TCAIM: variants seen among roughly 807,000 people sequenced by gnomAD.
TCAIM encodes the protein T cell activation inhibitor, mitochondrial, also known as T-cell activation inhibitor, mitochondrial.
In TCAIM, 36 loss-of-function variants were observed where a neutral mutation model predicts 58.6. The ratio of observed to expected loss-of-function variants is 0.61; its 90% CI spans 0.47 to 0.81. The LOEUF (loss-of-function observed/expected upper bound fraction) is 0.81. Among genes scored for constraint, TCAIM ranks in the 30% least tolerant of loss-of-function variants. The probability of loss-of-function intolerance (pLI) is 0.00; values close to 1 mark genes in which losing one functional copy is unlikely to be tolerated. For missense variants in TCAIM, 466 were observed against 579.6 expected, an observed-to-expected ratio of 0.80 and a Z score of 2.01; for synonymous variants, 172 against 193.6, an observed-to-expected ratio of 0.89 and a Z score of 0.93.
chr3:44,384,348 C>G (rs1701700833), intron 5 of TCAIM, among the ~76,000 whole-genome samples: 1 of 152,146 alleles, frequency 6.6e-6, no homozygotes, highest in South Asian at 2.1e-4. Context: ...GGAAGGTATT[C>G]TTTTCTCTTT....
At chr3:44,398,900 G>T (rs1181364647) in intron 8 of TCAIM, among the ~76,000 whole-genome samples, 1 of 152,162 alleles carries the variant, frequency 6.6e-6, no homozygotes, top group Non-Finnish European at 1.5e-5. Context: ...GCATTGTGCT[G>T]AGTGAAAAAG....
At chr3:44,344,853 G>A (rs769291686) in intron 1 of TCAIM, among the ~76,000 whole-genome samples, 3 of 152,062 alleles carry the variant, frequency 2.0e-5, no homozygotes, top group African/African-American at 4.8e-5. Context: ...GGGCAGGGGC[G>A]GGGGTCACAA....
At chr3:44,403,293 G>A (rs1702050606) in intron 10 of TCAIM, among the ~76,000 whole-genome samples, 2 of 151,884 alleles carry the variant, frequency 1.3e-5, no homozygotes, top group Admixed American at 1.3e-4. Context: ...ATAGAGAGAA[G>A]GGATGGCAAC....
chr3:44,361,421 A>G lies in TCAIM; in HGVS notation c.222A>G (p.Lys74=), dbSNP rs900243852. Residue 74 remains lysine (K), a synonymous_variant, in exon 4 of 11, where the codon AAA becomes AAG. Coordinates refer to ENST00000342649, the MANE Select transcript of TCAIM (RefSeq NM_173826.4). ...RLSVYLENLQ[K]PGFKSLKPTQ... ...GTGTCTACCTAGAAAACCTCCAGAA[A>G]CCAGGCTTCAAGTCTTTGAAACCAA... 5.6e-6 allele frequency: 9 copies of G among 1,613,124 alleles called. No individual in the cohort carries two copies. In the African/African-American group the frequency reaches 9.3e-5, roughly 17 times the overall value.
At position 44,344,068 on chromosome 3, in the gene TCAIM, T is replaced by C. The variant is rs955096893; in HGVS notation, c.-45+5234T>C. On this transcript the variant is annotated intron_variant, in intron 1 of 10. Transcript: ENST00000342649. ...AGAGAGTCTCACTCCATCACCCCGG[T>C]TGGAGTGCAGTGGTGCAATCTCAGC... Among the ~76,000 whole-genome samples the C allele has an allele frequency of 6.1e-4, 90 of 148,732 alleles. 1 individual carries two copies. Among genetic ancestry groups the C allele is most frequent in the African/African-American group, 2.2e-3 (87 of 39,948 alleles).
chr3:44,387,630 G>A (rs539470161), intron 5 of TCAIM, among the ~76,000 whole-genome samples: 51 of 152,300 alleles, frequency 3.3e-4, no homozygotes, highest in Non-Finnish European at 4.9e-4. Context: ...TGGACCCTGC[G>A]CTCACTCACA....
chr3:44,405,832 A>G (rs758829428), intron 10 of TCAIM, among the ~76,000 whole-genome samples: 3 of 113,320 alleles, frequency 2.6e-5, no homozygotes, highest in Non-Finnish European at 3.9e-5. Flanking sequence ...CATGCATGCA[A>G]TCCCAGCTAC....
chr3:44,366,823 A>C (rs1178212631), intron 4 of TCAIM, among the ~76,000 whole-genome samples: 1 of 152,128 alleles, frequency 6.6e-6, no homozygotes, highest in Admixed American at 6.5e-5. Context: ...GCTGGTCTCA[A>C]ACTCCTGAGT....
chr3:44,385,699 C>T (rs998987343), intron 5 of TCAIM, among the ~76,000 whole-genome samples: 13 of 151,970 alleles, frequency 8.6e-5, no homozygotes, highest in South Asian at 2.1e-4. Flanking sequence ...GCCGAGATTG[C>T]GCCACTGCAC....
At chr3:44,362,564 T>A (rs1701309724) in intron 4 of TCAIM, 1 of 397,496 alleles carries the variant, frequency 2.5e-6, no homozygotes, top group East Asian at 3.6e-5. Context: ...ATATGGGAGA[T>A]CAGGAGTCAC....
At chr3:44,395,830 T>G (rs1159358616) in intron 6 of TCAIM, among the ~76,000 whole-genome samples, 1 of 152,082 alleles carries the variant, frequency 6.6e-6, no homozygotes, top group East Asian at 1.9e-4. Context: ...ACAAAAAAAT[T>G]TATTTAAGTA....
At chr3:44,375,022 G>T (rs1005665019) in intron 5 of TCAIM, among the ~76,000 whole-genome samples, 1 of 152,108 alleles carries the variant, frequency 6.6e-6, no homozygotes, top group African/African-American at 2.4e-5. Context: ...CGAACCAAAT[G>T]ATTTCACAGT....
chr3:44,405,770 A>G (rs1297673131), intron 10 of TCAIM, among the ~76,000 whole-genome samples: 1 of 151,760 alleles, frequency 6.6e-6, no homozygotes, highest in East Asian at 1.9e-4. Flanking sequence ...AGCCTGGCCA[A>G]CATGGCAAAA....
intron 5 of TCAIM, among the ~76,000 whole-genome samples, chr3:44,370,216 C>A (rs1195272691): frequency 6.6e-6 from 1 of 152,030 alleles, no homozygotes; most frequent in Non-Finnish European, 1.5e-5. Flanking sequence ...ATAAAAAATG[C>A]CTTGGGAGGC....
intron 1 of TCAIM, among the ~76,000 whole-genome samples, chr3:44,342,194 G>A (rs1425649497): frequency 1.3e-5 from 2 of 152,058 alleles, no homozygotes; most frequent in East Asian, 3.9e-4. Context: ...TAGCAGATTA[G>A]CATTGTGTTA....
At chr3:44,389,807 C>T (rs1285194642) in intron 5 of TCAIM, among the ~76,000 whole-genome samples, 2 of 151,962 alleles carry the variant, frequency 1.3e-5, no homozygotes, top group African/African-American at 2.4e-5. Context: ...CCTTTCTCAG[C>T]GTGTAAGACC....
At chr3:44,363,311 T>C (rs1701321048) in intron 4 of TCAIM, among the ~76,000 whole-genome samples, 1 of 152,216 alleles carries the variant, frequency 6.6e-6, no homozygotes, top group Non-Finnish European at 1.5e-5. Flanking sequence ...TTTTAAAATA[T>C]TGTAATTAAT....
chr3:44,371,407 T>C (rs964167529), intron 5 of TCAIM, among the ~76,000 whole-genome samples: 9 of 152,132 alleles, frequency 5.9e-5, no homozygotes, highest in Non-Finnish European at 1.2e-4. Flanking sequence ...CTGAACCAGA[T>C]CATCACAACT....
At chr3:44,364,393 GAC>G (rs1490717787) in intron 4 of TCAIM, among the ~76,000 whole-genome samples, 2 of 152,064 alleles carry the variant, frequency 1.3e-5, no homozygotes, top group African/African-American at 4.8e-5. Flanking sequence ...AATGGAGAAA[GAC>G]AATAAATAGA....
Sources: gnomAD v4.1 joint callset for allele counts (sites outside exome capture counted in the v4.1 genomes callset) on GRCh38, gnomAD v4.1.1 for gene constraint, MANE v1.5 for transcripts, NCBI Gene and HGNC (gene_info 2026-07-23, HGNC 2026-07-21) for gene names.